COL23A1: variants seen among roughly 807,000 people sequenced by gnomAD.
COL23A1 encodes the protein collagen alpha-1(XXIII) chain.
In COL23A1, 97 loss-of-function variants were observed where a neutral mutation model predicts 99.3. The observed-to-expected ratio is 0.98, with a 90% CI of 0.83 to 1.16. The LOEUF (loss-of-function observed/expected upper bound fraction) is 1.16. Ranked by LOEUF, COL23A1 falls within the 50% of genes most tolerant of loss-of-function variation. The probability of loss-of-function intolerance (pLI) is 0.00; values close to 1 mark genes in which losing one functional copy is unlikely to be tolerated. For missense variants in COL23A1, 762 were observed against 757.4 expected (o/e 1.01, Z -0.07); for synonymous variants, 320 against 308.2 (o/e 1.04, Z -0.40).
At chr5:178,252,049 G>T (rs1180142511) in intron 17 of COL23A1, among the ~76,000 whole-genome samples, 4 of 151,920 alleles carry the variant, frequency 2.6e-5, no homozygotes, top group African/African-American at 9.7e-5. Flanking sequence ...AAGTAGCTGG[G>T]ATTACAGGCA....
At position 178,307,028 on chromosome 5, in the gene COL23A1, G is replaced by A; in HGVS notation, c.362-109C>T. 1 of 757,024 alleles carries A rather than the reference G, an allele frequency of 1.3e-6. No homozygotes were observed. The highest frequency in any genetic ancestry group is 2.0e-6 in the Non-Finnish European group (1 of 502,244). The allele number at this position is 757,024 out of a possible 1,614,324, so 46.9% of individuals were successfully genotyped here. ...GTCCGCTCGCAACAGCTTTCTGGGAGTGGCCTGCCCGAGGGGGTCTGCTGG... is the reference window on the plus strand; with the variant it reads ...GTCCGCTCGCAACAGCTTTCTGGGAATGGCCTGCCCGAGGGGGTCTGCTGG... On this transcript the variant is annotated intron_variant, in intron 2 of 28. Transcript: ENST00000390654. This position sits in a 1 kb window ranked among gnomAD's most constrained non-coding sequence, Gnocchi z 4.2.
chr5:178,326,805 T>A (rs886145946), intron 2 of COL23A1, among the ~76,000 whole-genome samples: 1 of 152,192 alleles, frequency 6.6e-6, no homozygotes, highest in Admixed American at 6.5e-5. Flanking sequence ...CTGCAACCTC[T>A]GCCTCCTGGG....
rs1393152106 is a variant in COL23A1 at position 178,280,119 on chromosome 5, C to T, written c.441+8205G>A. On this transcript the variant is annotated intron_variant, in intron 5 of 28. Transcript: ENST00000390654. This position sits in a 1 kb window ranked among gnomAD's most constrained non-coding sequence, Gnocchi z 4.9. ...AATGAACGTCCATCCTGCTGGCTCTCGTGCCCGGCCAGGGAACACTAGAGG... is the reference window on the plus strand; with the variant it reads ...AATGAACGTCCATCCTGCTGGCTCTTGTGCCCGGCCAGGGAACACTAGAGG... 3.3e-5 allele frequency among the ~76,000 whole-genome samples: 5 copies of T among 152,256 alleles called. No homozygotes were observed. The highest frequency in any genetic ancestry group is 4.8e-5 in the African/African-American group (2 of 41,472).
chr5:178,468,532 C>T lies in COL23A1; in HGVS notation c.361+92150G>A, dbSNP rs1390780064. On this transcript the variant is annotated intron_variant, in intron 2 of 28. Transcript: ENST00000390654. This position sits in a 1 kb window ranked among gnomAD's most constrained non-coding sequence, Gnocchi z 4.2. ...ACCCTGCCTCCCTCATCTGCTCACA[C>T]CCAGGCCTCACCCGGCCCCGTCCCT... is the stretch of plus-strand genomic sequence containing the variant. Among the ~76,000 whole-genome samples the T allele has an allele frequency of 6.6e-6, 1 of 152,118 alleles. No individual in the cohort carries two copies. The highest frequency in any genetic ancestry group is 2.4e-5 in the African/African-American group (1 of 41,414).
chr5:178,565,166 C>T (rs906525799), intron 1 of COL23A1, among the ~76,000 whole-genome samples: 1 of 152,230 alleles, frequency 6.6e-6, no homozygotes, highest in African/African-American at 2.4e-5. Flanking sequence ...ACTAACAAAA[C>T]AACCCACATG....
At chr5:178,393,973 A>G (rs1362153291) in intron 2 of COL23A1, among the ~76,000 whole-genome samples, 2 of 152,124 alleles carry the variant, frequency 1.3e-5, no homozygotes, top group African/African-American at 4.8e-5. Flanking sequence ...AGGAGTGGGG[A>G]GGACCCACCC....
chr5:178,242,252 TTC>T, intron 26 of COL23A1, 87 bp downstream of exon 26: 2 of 1,508,072 alleles, frequency 1.3e-6, no homozygotes, highest in Non-Finnish European at 1.8e-6. Context: ...CCGGCCTGGG[TTC>T]TCTCTACCTG....
intron 3 of COL23A1, among the ~76,000 whole-genome samples, chr5:178,304,605 T>A (rs1758253954): frequency 6.7e-6 from 1 of 149,718 alleles, no homozygotes; most frequent in African/African-American, 2.5e-5. Flanking sequence ...AAAGCCAGGA[T>A]GTGCATATGT....
chr5:178,511,455 G>A (rs924186494), intron 2 of COL23A1, among the ~76,000 whole-genome samples: 1 of 152,208 alleles, frequency 6.6e-6, no homozygotes, highest in Non-Finnish European at 1.5e-5. Context: ...CCCAATCCCT[G>A]CTAAGATAAG....
intron 1 of COL23A1, among the ~76,000 whole-genome samples, chr5:178,577,257 C>T (rs1324385665): frequency 6.6e-6 from 1 of 152,190 alleles, no homozygotes; most frequent in Non-Finnish European, 1.5e-5. Context: ...AGCCCTCTCC[C>T]TGCGGCTGGT....
At chr5:178,322,823 A>G (rs1759402769) in intron 2 of COL23A1, among the ~76,000 whole-genome samples, 1 of 152,140 alleles carries the variant, frequency 6.6e-6, no homozygotes, top group Non-Finnish European at 1.5e-5. Context: ...ATGCGCAGCA[A>G]CACTCCCAAC....
chr5:178,542,116 C>T (rs1383458898), intron 2 of COL23A1, among the ~76,000 whole-genome samples: 4 of 152,156 alleles, frequency 2.6e-5, no homozygotes, highest in Admixed American at 1.3e-4. Flanking sequence ...CTCCGCCTCC[C>T]GGGTTCAAGC....
At chr5:178,383,367 C>G (rs1763485955) in intron 2 of COL23A1, among the ~76,000 whole-genome samples, 1 of 152,248 alleles carries the variant, frequency 6.6e-6, no homozygotes, top group Admixed American at 6.5e-5. Context: ...CTGACCCAGT[C>G]TGTGGTCAGG....
intron 2 of COL23A1, among the ~76,000 whole-genome samples, chr5:178,427,283 G>T (rs1765997071): frequency 6.6e-6 from 1 of 152,242 alleles, no homozygotes; most frequent in African/African-American, 2.4e-5. Flanking sequence ...TGCTGGCAGG[G>T]ATGTGGAGTA....
rs1450284994 is a variant in COL23A1, at chr5:178,344,879, G to A, written c.362-37960C>T. ...ATCTGTGTCTGGCATTACCAGAAGA[G>A]TCTTCATGTGGACAGTCTCAGGGAC... On this transcript the variant is annotated intron_variant, in intron 2 of 28. Transcript: ENST00000390654. The A allele has an allele frequency of 5.2e-6, 4 of 773,906 alleles. No homozygotes were observed. The African/African-American group carries it at 7.0e-5, about 13-fold the overall frequency. The allele number at this position is 773,906 out of a possible 1,614,324, so 47.9% of individuals were successfully genotyped here. A position where few individuals can be genotyped will look rare whatever the true frequency, so the allele number is the denominator to read the frequency against.
At chr5:178,557,387 C>T (rs955340988) in intron 2 of COL23A1, among the ~76,000 whole-genome samples, 18 of 152,174 alleles carry the variant, frequency 1.2e-4, no homozygotes, top group Non-Finnish European at 1.9e-4. Context: ...CTTTTGAGGG[C>T]GACAGGATTC....
chr5:178,490,449 G>A (rs377501990), intron 2 of COL23A1, among the ~76,000 whole-genome samples: 8 of 152,180 alleles, frequency 5.3e-5, no homozygotes, highest in South Asian at 4.1e-4. Flanking sequence ...AAGGGAGGAC[G>A]CGTGGGAAGT....
intron 2 of COL23A1, among the ~76,000 whole-genome samples, chr5:178,520,382 A>C (rs980925807): frequency 2.5e-4 from 38 of 152,186 alleles, no homozygotes; most frequent in Middle Eastern, 3.2e-3. Flanking sequence ...CCAACACCTC[A>C]TACGACTCCT....
intron 2 of COL23A1, among the ~76,000 whole-genome samples, chr5:178,418,605 G>A (rs1253997855): frequency 3.3e-5 from 5 of 152,192 alleles, no homozygotes; most frequent in Admixed American, 2.0e-4. Flanking sequence ...GGTGCCAGGC[G>A]GCTGGCCAGC....
Sources: allele counts gnomAD v4.1 joint callset (sites outside exome capture counted in the v4.1 genomes callset), GRCh38; gene constraint gnomAD v4.1.1; non-coding constraint Gnocchi (gnomAD v3.1); transcripts MANE v1.5; gene names NCBI Gene and HGNC (gene_info 2026-07-23, HGNC 2026-07-21).